FAM13A: variants seen among roughly 807,000 people sequenced by gnomAD.
FAM13A encodes the protein family with sequence similarity 13 member A.
FAM13A carries 76 observed loss-of-function variants against 129.6 expected under a neutral mutation model. The ratio of observed to expected loss-of-function variants is 0.59; its 90% CI spans 0.49 to 0.71. FAM13A has a LOEUF of 0.71. Among genes scored for constraint, FAM13A ranks in the 30% least tolerant of loss-of-function variants. The probability of loss-of-function intolerance (pLI) is 0.00; values close to 1 mark genes in which losing one functional copy is unlikely to be tolerated. For synonymous variants in FAM13A, 443 were observed against 449.9 expected (o/e 0.98, Z 0.20); for missense variants, 1,108 against 1,249.3 (o/e 0.89, Z 1.70).
chr4:88,855,878 G>C (rs1233077554), intron 6 of FAM13A: 1 of 152,202 alleles, frequency 6.6e-6, no homozygotes, highest in African/African-American at 2.4e-5. Flanking sequence ...TTCCACAGGA[G>C]AGTGTAGAGT....
chr4:89,000,205 G>T (rs1440592226), intron 3 of FAM13A, among the ~76,000 whole-genome samples: 1 of 152,068 alleles, frequency 6.6e-6, no homozygotes, highest in Non-Finnish European at 1.5e-5. Flanking sequence ...ATACTCAAGA[G>T]AAATGAAAGC....
At chr4:88,800,708 A>AG (rs1451357192) in intron 8 of FAM13A, among the ~76,000 whole-genome samples, 4 of 151,052 alleles carry the variant, frequency 2.6e-5, no homozygotes, top group Admixed American at 1.3e-4. Flanking sequence ...AAAAAAAAAA[A>AG]AGAAAAAAAA....
intron 11 of FAM13A, among the ~76,000 whole-genome samples, chr4:88,769,652 T>G (rs985947646): frequency 6.6e-6 from 1 of 151,948 alleles, no homozygotes; most frequent in African/African-American, 2.4e-5. Context: ...ACCAACATAG[T>G]GAAACCCCAT....
chr4:89,057,163 G>A lies in FAM13A; in HGVS notation c.-199C>T. 1.4e-6 allele frequency: 2 copies of A among 1,423,976 alleles called. No individual in the cohort carries two copies. The highest frequency in any genetic ancestry group is 1.4e-5 in the African/African-American group (1 of 69,138). The allele number at this position is 1,423,976 out of a possible 1,614,324, so 88.2% of individuals were successfully genotyped here. ...GCTTCTCTTTCCGCTGAACCCACATGGCTGGAAGGACTGCCTGGAGTTGAA... is the reference window on the plus strand; with the variant it reads ...GCTTCTCTTTCCGCTGAACCCACATAGCTGGAAGGACTGCCTGGAGTTGAA... On this transcript the variant is annotated 5_prime_UTR_variant, in exon 1 of 24. Coordinates refer to ENST00000264344, the MANE Select transcript of FAM13A (RefSeq NM_014883.4).
chr4:88,765,026 T>C (rs1271475560), intron 13 of FAM13A, among the ~76,000 whole-genome samples: 1 of 152,226 alleles, frequency 6.6e-6, no homozygotes, highest in African/African-American at 2.4e-5. Context: ...TTTCCACACA[T>C]ACCTTCAAAC....
intron 3 of FAM13A, among the ~76,000 whole-genome samples, chr4:89,010,824 C>T (rs1420133687): frequency 6.6e-6 from 1 of 152,084 alleles, no homozygotes; most frequent in Non-Finnish European, 1.5e-5. Flanking sequence ...CATCTCAAAA[C>T]CTCTGACTTT....
chr4:88,728,669 A>G lies in FAM13A; in HGVS notation c.2946-10T>C. On this transcript the variant is annotated splice_polypyrimidine_tract_variant and intron_variant, in intron 23 of 23. Coordinates refer to ENST00000264344, the MANE Select transcript of FAM13A (RefSeq NM_014883.4). ...TTCCTTCTGGACATTTCTAATGCAA[A>G]TAAAGGAAAAAGGGGTCTGAGGATC... 1 of 1,614,024 alleles carries G rather than the reference A, an allele frequency of 6.2e-7. No homozygotes were observed. Among genetic ancestry groups the G allele is most frequent in the Non-Finnish European group, 8.5e-7 (1 of 1,179,898 alleles).
intron 7 of FAM13A, among the ~76,000 whole-genome samples, chr4:88,845,767 C>G (rs1398516483): frequency 6.6e-6 from 1 of 152,006 alleles, no homozygotes; most frequent in Admixed American, 6.6e-5. Flanking sequence ...AGTGATGTAT[C>G]AAATTTTTTA....
chr4:88,762,358 G>C (rs904972451), intron 13 of FAM13A, among the ~76,000 whole-genome samples: 1 of 152,122 alleles, frequency 6.6e-6, no homozygotes, highest in African/African-American at 2.4e-5. Context: ...GCAGTGGAGA[G>C]ATCCCTCCTA....
At chr4:88,822,080 AT>A (rs879714046) in intron 7 of FAM13A, among the ~76,000 whole-genome samples, 9 of 150,816 alleles carry the variant, frequency 6.0e-5, no homozygotes, top group East Asian at 3.9e-4. Flanking sequence ...TTGATTTAAA[AT>A]TTTTTTTTTA....
intron 1 of FAM13A, among the ~76,000 whole-genome samples, chr4:89,050,674 T>A (rs577131039): frequency 6.6e-6 from 1 of 152,028 alleles, no homozygotes; most frequent in South Asian, 2.1e-4. Context: ...ACACCTGTAA[T>A]CCTAGCACTT....
rs76610895 is a variant in FAM13A at position 88,814,197 on chromosome 4, T to C, written c.1008-9145A>G. Among the ~76,000 whole-genome samples, 61 of 152,264 alleles carry C rather than the reference T, an allele frequency of 4.0e-4. No homozygotes were observed. In the East Asian group the frequency reaches 0.011, roughly 27 times the overall value. ...AGGTTAATTAACAGGCTGAAGGCCA[T>C]AGAGGCAGTCAACGGCTGAGGTTCC... On this transcript the variant is annotated intron_variant, in intron 7 of 23. Transcript: ENST00000264344.
Position 88,883,806 on chromosome 4 carries a change from A to T in FAM13A, c.843+22573T>A, listed in dbSNP as rs1743979407. ...AAGAGAGAAGATCCAAATAAGTTCA[A>T]TTATAAATGAAACGAGAGGTATTAC... is the stretch of plus-strand genomic sequence containing the variant. On this transcript the variant is annotated intron_variant, in intron 6 of 23. Coordinates refer to ENST00000264344, the MANE Select transcript of FAM13A (RefSeq NM_014883.4). Among the ~76,000 whole-genome samples the T allele has an allele frequency of 2.0e-5, 3 of 147,432 alleles. No individual in the cohort carries two copies. In the South Asian group the frequency reaches 6.6e-4, roughly 32 times the overall value.
At chr4:88,938,388 T>C (rs1264856127) in intron 4 of FAM13A, 147 bp from the exon 5 acceptor site, 1 of 597,628 alleles carries the variant, frequency 1.7e-6, no homozygotes, top group Non-Finnish European at 2.8e-6. Flanking sequence ...GTAACATGCA[T>C]GACATTGTTG....
chr4:89,044,149 C>T (rs1404834612), intron 1 of FAM13A, among the ~76,000 whole-genome samples: 4 of 148,974 alleles, frequency 2.7e-5, no homozygotes, highest in African/African-American at 2.5e-5. Flanking sequence ...AGAATAGAAT[C>T]CTATAGAATA....
chr4:88,945,746 C>T (rs1755566160), intron 4 of FAM13A, among the ~76,000 whole-genome samples: 1 of 136,220 alleles, frequency 7.3e-6, no homozygotes, highest in South Asian at 2.4e-4. Context: ...TATAAGATTG[C>T]AACCACTATT....
intron 4 of FAM13A, among the ~76,000 whole-genome samples, chr4:88,940,737 C>A (rs945419150): frequency 2.0e-5 from 3 of 152,096 alleles, no homozygotes; most frequent in African/African-American, 7.2e-5. Flanking sequence ...CCTCACAGAT[C>A]CTGTCGATCA....
chr4:88,946,656 G>T (rs1755940586), intron 4 of FAM13A, among the ~76,000 whole-genome samples: 1 of 151,834 alleles, frequency 6.6e-6, no homozygotes, highest in African/African-American at 2.4e-5. Context: ...TAACAAACGG[G>T]CTACTTGGTT....
In FAM13A at chr4:88,909,308, T is replaced by C. The variant is rs1037637104; in HGVS notation, c.760-2846A>G. On this transcript the variant is annotated intron_variant, in intron 5 of 23. Transcript: ENST00000264344. ...ACACCTGCTACAACATGAATGAACCTTGAAAACATGCTAAGTGAAATAATA... is the reference window on the plus strand; with the variant it reads ...ACACCTGCTACAACATGAATGAACCCTGAAAACATGCTAAGTGAAATAATA... Among the ~76,000 whole-genome samples the C allele has an allele frequency of 2.6e-5, 4 of 152,162 alleles. No homozygotes were observed. In the East Asian group the frequency reaches 7.7e-4, roughly 29 times the overall value.
Sources: allele counts gnomAD v4.1 joint callset (sites outside exome capture counted in the v4.1 genomes callset), GRCh38; gene constraint gnomAD v4.1.1; transcripts MANE v1.5; gene names NCBI Gene and HGNC (gene_info 2026-07-23, HGNC 2026-07-21).